The following KCND2 variants were observed in gnomAD, a reference collection of about 807,000 sequenced individuals.
The protein encoded by KCND2 is potassium voltage-gated channel subfamily D member 2.
In KCND2, 16 loss-of-function variants were observed where a neutral mutation model predicts 54.4. The observed-to-expected ratio is 0.29, with a 90% CI of 0.20 to 0.45. KCND2 has a LOEUF of 0.45. Ranked by LOEUF, KCND2 falls within the 20% of genes least tolerant of loss-of-function variation. The probability of loss-of-function intolerance (pLI) is 1.00; values close to 1 mark genes in which losing one functional copy is unlikely to be tolerated. For missense variants in KCND2, 486 were observed against 824.2 expected (o/e 0.59, Z 5.02); for synonymous variants, 317 against 310.7 (o/e 1.02, Z -0.21).
At chr7:120,544,334 A>G (rs1278115048) in intron 1 of KCND2, among the ~76,000 whole-genome samples, 1 of 151,932 alleles carries the variant, frequency 6.6e-6, no homozygotes, top group Non-Finnish European at 1.5e-5. Flanking sequence ...TGAGACATAG[A>G]ATCTTATCTT....
intron 1 of KCND2, among the ~76,000 whole-genome samples, chr7:120,395,960 G>A (rs1801149707): frequency 6.6e-6 from 1 of 151,990 alleles, no homozygotes; most frequent in Non-Finnish European, 1.5e-5. Flanking sequence ...TAAACTGCCT[G>A]TTTTACCTGG....
intron 1 of KCND2, chr7:120,463,948 C>G: frequency 2.5e-6 from 1 of 392,408 alleles, no homozygotes; most frequent in Non-Finnish European, 3.4e-6. Flanking sequence ...GATAGATCGA[C>G]AGATGGATAG....
chr7:120,364,192 G>A (rs928084624), intron 1 of KCND2, among the ~76,000 whole-genome samples: 1 of 152,100 alleles, frequency 6.6e-6, no homozygotes, highest in Non-Finnish European at 1.5e-5. Context: ...CATGTATCTG[G>A]TTTATGAATT....
chr7:120,280,436 C>T (rs547995369), intron 1 of KCND2, among the ~76,000 whole-genome samples: 2 of 152,058 alleles, frequency 1.3e-5, no homozygotes, highest in East Asian at 3.9e-4. Flanking sequence ...CAACATAGTA[C>T]CCTAGAGAAA....
chr7:120,724,447 A>G (rs1352197502), intron 1 of KCND2, among the ~76,000 whole-genome samples: 6 of 152,240 alleles, frequency 3.9e-5, no homozygotes, highest in Non-Finnish European at 7.3e-5. Flanking sequence ...TGGAAAGAAC[A>G]GTATTACAAG....
At chr7:120,508,447 G>A (rs1002143094) in intron 1 of KCND2, among the ~76,000 whole-genome samples, 2 of 151,952 alleles carry the variant, frequency 1.3e-5, no homozygotes, top group African/African-American at 4.8e-5. Flanking sequence ...CCAGAAAGAT[G>A]TTTTCAAGGA....
At chr7:120,346,042 AG>A (rs1221320738) in intron 1 of KCND2, among the ~76,000 whole-genome samples, 1 of 152,168 alleles carries the variant, frequency 6.6e-6, no homozygotes, top group African/African-American at 2.4e-5. Context: ...CCATCCTGAT[AG>A]GTAAGATGAT....
intron 1 of KCND2, among the ~76,000 whole-genome samples, chr7:120,642,211 C>T (rs1465474899): frequency 6.6e-6 from 1 of 151,882 alleles, no homozygotes. Context: ...AATCTGTATC[C>T]AGATGTTTTT....
At chr7:120,635,027 T>C (rs1207579410) in intron 1 of KCND2, among the ~76,000 whole-genome samples, 2 of 152,244 alleles carry the variant, frequency 1.3e-5, no homozygotes, top group African/African-American at 4.8e-5. Context: ...AATCTACTAG[T>C]TGACATCATT....
At chr7:120,446,690 C>T (rs796871168) in intron 1 of KCND2, among the ~76,000 whole-genome samples, 10 of 152,204 alleles carry the variant, frequency 6.6e-5, no homozygotes, top group African/African-American at 2.4e-4. Context: ...GCATATTTCC[C>T]CTATACTCAT....
At chr7:120,737,060 ACACACACACACACACAAAC>A (rs1792880278) in intron 2 of KCND2, among the ~76,000 whole-genome samples, 4 of 144,576 alleles carry the variant, frequency 2.8e-5, no homozygotes, top group African/African-American at 1.0e-4. Flanking sequence ...ACACACACAC[ACACACACACACACACAAAC>A]AAAAAAAAAA....
rs570034042 is a variant in KCND2 at position 120,648,176 on chromosome 7, A to C, written c.1116-84727A>C. Among the ~76,000 whole-genome samples, 6 of 152,102 alleles carry C rather than the reference A, an allele frequency of 3.9e-5. No homozygotes were observed. In the East Asian group the frequency reaches 9.7e-4, roughly 24 times the overall value. On this transcript the variant is annotated intron_variant, in intron 1 of 5. Transcript: ENST00000331113. ...TTGTCCCCACGGAGAGAGATGGAAAAACCTAATGGCACATAGTAGAGACAA... is the reference window on the plus strand; with the variant it reads ...TTGTCCCCACGGAGAGAGATGGAAACACCTAATGGCACATAGTAGAGACAA...
chr7:120,503,098 T>C (rs1275040339), intron 1 of KCND2, among the ~76,000 whole-genome samples: 5 of 152,196 alleles, frequency 3.3e-5, no homozygotes, highest in African/African-American at 1.2e-4. Context: ...TTTAAGAATC[T>C]TGTTAAAGTA....
intron 1 of KCND2, among the ~76,000 whole-genome samples, chr7:120,315,829 T>C (rs902675168): frequency 6.7e-6 from 1 of 148,458 alleles, no homozygotes; most frequent in Non-Finnish European, 1.5e-5. Flanking sequence ...ATATTTGAGA[T>C]TTTTAAGACA....
At chr7:120,501,914 A>G (rs972073922) in intron 1 of KCND2, among the ~76,000 whole-genome samples, 1 of 152,134 alleles carries the variant, frequency 6.6e-6, no homozygotes, top group Non-Finnish European at 1.5e-5. Context: ...TTTCAGAAGC[A>G]TATACTTTGA....
intron 1 of KCND2, among the ~76,000 whole-genome samples, chr7:120,509,198 G>C (rs563325247): frequency 6.6e-6 from 1 of 151,942 alleles, no homozygotes. Context: ...TAAATGTGAT[G>C]TGGTATTCTG....
chr7:120,317,427 TATTA>T (rs905519813), intron 1 of KCND2, among the ~76,000 whole-genome samples: 6 of 152,204 alleles, frequency 3.9e-5, no homozygotes, highest in South Asian at 2.1e-4. Context: ...TGTCTTTAAT[TATTA>T]ATTGTGTCTT....
At chr7:120,653,194 T>G (rs938050055) in intron 1 of KCND2, among the ~76,000 whole-genome samples, 1 of 146,242 alleles carries the variant, frequency 6.8e-6, no homozygotes, top group Non-Finnish European at 1.5e-5. Context: ...CCACCATGCC[T>G]GGCTACATTT....
In KCND2 at chr7:120,422,534, A is replaced by G. The variant is rs142981343; in HGVS notation, c.1115+146787A>G. On this transcript the variant is annotated intron_variant, in intron 1 of 5. Coordinates refer to ENST00000331113, the MANE Select transcript of KCND2 (RefSeq NM_012281.3). The stretch of plus-strand genomic sequence containing the variant: ...GCTTTTTTATCCCACTTGTTTGTAT[A>G]TATTCTGTATTAGCAGCTCCAATTG... Among the ~76,000 whole-genome samples the G allele has an allele frequency of 9.9e-5, 15 of 152,190 alleles. No homozygotes were observed. In the East Asian group the frequency reaches 2.5e-3, roughly 26 times the overall value.
Sources: allele counts gnomAD v4.1 joint callset (sites outside exome capture counted in the v4.1 genomes callset), GRCh38; gene constraint gnomAD v4.1.1; transcripts MANE v1.5; gene names NCBI Gene and HGNC (gene_info 2026-07-23, HGNC 2026-07-21).